Variants in FRMD4A observed in about 807,000 individuals in gnomAD.
FRMD4A encodes FERM domain containing 4A.
Under a neutral mutation model 129.1 loss-of-function variants are expected in FRMD4A, and 29 were observed. That is an observed-to-expected ratio of 0.22 (90% confidence interval 0.17 to 0.31). The LOEUF (loss-of-function observed/expected upper bound fraction) is 0.31, where lower values mean the gene tolerates loss of function less well. FRMD4A is among the 10% of genes least tolerant of loss of function. FRMD4A has a pLI of 1.00. For missense variants in FRMD4A, 1,272 were observed against 1,375.8 expected (o/e 0.92, Z 1.19); for synonymous variants, 634 against 571.6 (o/e 1.11, Z -1.56).
At chr10:14,099,899 C>A (rs928746850) in intron 2 of FRMD4A, among the ~76,000 whole-genome samples, 1 of 152,160 alleles carries the variant, frequency 6.6e-6, no homozygotes, top group African/African-American at 2.4e-5. Flanking sequence ...GTAGCTGGAG[C>A]CTAGTTTGAC....
intron 2 of FRMD4A, among the ~76,000 whole-genome samples, chr10:14,213,181 C>T (rs1177223509): frequency 6.6e-6 from 1 of 152,132 alleles, no homozygotes; most frequent in Non-Finnish European, 1.5e-5. Flanking sequence ...GAATTGCAGG[C>T]TGCAGTGAGC....
intron 12 of FRMD4A, chr10:13,707,839 G>A (rs1376876178): frequency 2.0e-6 from 2 of 985,318 alleles, no homozygotes; most frequent in African/African-American, 1.7e-5. Flanking sequence ...AGGGTGAGAA[G>A]TGGAATGAAG....
intron 2 of FRMD4A, among the ~76,000 whole-genome samples, chr10:14,021,297 C>T (rs1832735399): frequency 6.6e-6 from 1 of 151,924 alleles, no homozygotes; most frequent in South Asian, 2.1e-4. Context: ...AATCCTAGCA[C>T]TTTCGGGGCT....
intron 2 of FRMD4A, among the ~76,000 whole-genome samples, chr10:14,206,809 C>CAAAAAAAAAAA (rs57029013): frequency 0.027 from 1,152 of 43,014 alleles, 138 homozygotes; most frequent in African/African-American, 0.12. Flanking sequence ...GACGCTATCT[C>CAAAAAAAAAAA]AAAAAAAAAA....
intron 12 of FRMD4A, among the ~76,000 whole-genome samples, chr10:13,713,772 T>C (rs563996814): frequency 7.2e-6 from 1 of 138,870 alleles, no homozygotes; most frequent in East Asian, 2.0e-4. Flanking sequence ...TATATACACA[T>C]ATATATAATA....
chr10:14,040,664 G>C (rs1241790574), intron 2 of FRMD4A, among the ~76,000 whole-genome samples: 1 of 152,166 alleles, frequency 6.6e-6, no homozygotes, highest in Admixed American at 6.5e-5. Flanking sequence ...CTTTCCACCT[G>C]CAGTTAGGGT....
chr10:14,248,832 T>C (rs1282682145), intron 2 of FRMD4A, among the ~76,000 whole-genome samples: 1 of 152,238 alleles, frequency 6.6e-6, no homozygotes, highest in African/African-American at 2.4e-5. Context: ...CAAGCACTGA[T>C]GGAAGTCCTT....
chr10:14,271,734 T>C (rs542739977), intron 2 of FRMD4A, among the ~76,000 whole-genome samples: 2 of 152,332 alleles, frequency 1.3e-5, no homozygotes, highest in African/African-American at 4.8e-5. Flanking sequence ...ATGACTGGCA[T>C]CTATAAAAAT....
intron 2 of FRMD4A, among the ~76,000 whole-genome samples, chr10:13,984,443 G>A (rs1422415312): frequency 6.6e-6 from 1 of 152,130 alleles, no homozygotes; most frequent in South Asian, 2.1e-4. Flanking sequence ...CCGTTCAGTG[G>A]CATTAAGTAT....
At chr10:13,841,228 T>A (rs2093960180) in intron 3 of FRMD4A, among the ~76,000 whole-genome samples, 1 of 152,242 alleles carries the variant, frequency 6.6e-6, no homozygotes, top group Non-Finnish European at 1.5e-5. Flanking sequence ...AGGTTTAAGA[T>A]TCTGGATGCC....
intron 18 of FRMD4A, among the ~76,000 whole-genome samples, chr10:13,665,398 C>T (rs1261867321): frequency 1.3e-5 from 2 of 152,124 alleles, no homozygotes; most frequent in Non-Finnish European, 2.9e-5. Flanking sequence ...TTTAAACACA[C>T]ATACCTTTAT....
At chr10:13,979,301 CTGCT>C in intron 2 of FRMD4A, among the ~76,000 whole-genome samples, 1 of 152,206 alleles carries the variant, frequency 6.6e-6, no homozygotes, top group East Asian at 1.9e-4. Context: ...AAAAGGAGGT[CTGCT>C]TGCTTGAGAA....
At chr10:13,930,988 G>A (rs1017303059) in intron 2 of FRMD4A, among the ~76,000 whole-genome samples, 2 of 152,090 alleles carry the variant, frequency 1.3e-5, no homozygotes, top group East Asian at 1.9e-4. Flanking sequence ...GCACACCACC[G>A]TACCTAGCTA....
chr10:13,726,357 G>A (rs915787156), intron 12 of FRMD4A, among the ~76,000 whole-genome samples: 2 of 152,208 alleles, frequency 1.3e-5, no homozygotes, highest in East Asian at 1.9e-4. Flanking sequence ...CATGAAGGTC[G>A]TGAATTTACA....
chr10:14,251,259 A>G (rs2132020606), intron 2 of FRMD4A, among the ~76,000 whole-genome samples: 1 of 152,326 alleles, frequency 6.6e-6, no homozygotes, highest in East Asian at 1.9e-4. Context: ...ATTTGATTAT[A>G]AAAAGATTTT....
At chr10:14,314,413 T>A (rs950114284) in intron 2 of FRMD4A, among the ~76,000 whole-genome samples, 1 of 152,176 alleles carries the variant, frequency 6.6e-6, no homozygotes, top group Non-Finnish European at 1.5e-5. Context: ...TAGGAAGGCA[T>A]CCTGGTGAGG....
At chr10:13,742,469 G>C (rs748530110) in intron 9 of FRMD4A, among the ~76,000 whole-genome samples, 2 of 152,190 alleles carry the variant, frequency 1.3e-5, no homozygotes, top group Non-Finnish European at 2.9e-5. Context: ...AGCTCTGTGA[G>C]GGGAGCTGAT....
chr10:13,838,142 G>T (rs1411842480), intron 3 of FRMD4A, among the ~76,000 whole-genome samples: 1 of 152,142 alleles, frequency 6.6e-6, no homozygotes, highest in Non-Finnish European at 1.5e-5. Flanking sequence ...AGGCCTGAGT[G>T]CAGTGGCGTG....
intron 2 of FRMD4A, among the ~76,000 whole-genome samples, chr10:13,919,805 G>T (rs893950982): frequency 1.3e-5 from 2 of 152,140 alleles, no homozygotes; most frequent in Non-Finnish European, 2.9e-5. Context: ...AGGCGTGGTG[G>T]CATGTGCCTG....
Sources: allele counts gnomAD v4.1 joint callset (sites outside exome capture counted in the v4.1 genomes callset), GRCh38; gene constraint gnomAD v4.1.1; transcripts MANE v1.5; gene names NCBI Gene and HGNC (gene_info 2026-07-23, HGNC 2026-07-21).